The following ARHGAP15 variants were observed in gnomAD, a reference collection of about 807,000 sequenced individuals.
The protein encoded by ARHGAP15 is rho GTPase-activating protein 15.
A neutral mutation model predicts 63.7 loss-of-function variants in ARHGAP15; 51 were observed. The observed-to-expected ratio is 0.80, with a 90% confidence interval of 0.64 to 1.01. The LOEUF is 1.01. ARHGAP15 is among the 50% of genes least tolerant of loss of function. The pLI is 0.00. For missense variants in ARHGAP15, 560 were observed against 564.6 expected (o/e 0.99, Z 0.08); for synonymous variants, 191 against 193.8 (o/e 0.99, Z 0.12).
chr2:143,331,723 C>A (rs1188685258), intron 6 of ARHGAP15, among the ~76,000 whole-genome samples: 1 of 152,096 alleles, frequency 6.6e-6, no homozygotes, highest in South Asian at 2.1e-4. Context: ...CATGTAGCTA[C>A]TTTAGAAAGG....
intron 13 of ARHGAP15, among the ~76,000 whole-genome samples, chr2:143,747,021 A>G (rs1191883855): frequency 1.3e-5 from 2 of 151,980 alleles, no homozygotes; most frequent in Non-Finnish European, 1.5e-5. Context: ...TTGTTAATAG[A>G]TTTTTCAAAC....
chr2:143,403,131 A>G (rs1239995208), intron 6 of ARHGAP15, among the ~76,000 whole-genome samples: 2 of 151,930 alleles, frequency 1.3e-5, no homozygotes, highest in African/African-American at 4.8e-5. Flanking sequence ...GAAATATTAT[A>G]TATTCTAAAG....
rs138143506 is a variant in ARHGAP15 at position 143,519,288 on chromosome 2, G to A, written c.849G>A (p.Leu283=). 4 of 1,612,870 alleles carry A rather than the reference G, an allele frequency of 2.5e-6. No individual in the cohort carries two copies. The highest frequency in any genetic ancestry group is 3.3e-5 in the Admixed American group (2 of 59,994). The change falls in exon 10 of 14, where the codon CTG becomes CTA. Residue 283 remains leucine (L), a synonymous_variant. Transcript: ENST00000295095. ...LIKDQIFGSH[L]HKVCERENST... is the part of the protein sequence containing the mutation. ...CAGATCAAATTTTTGGCTCTCATCT[G>A]CACAAAGTGTGTGAACGTGAAAATT...
intron 6 of ARHGAP15, among the ~76,000 whole-genome samples, chr2:143,410,932 GATGGCTCACGCCTGT>G (rs1326542402): frequency 3.3e-5 from 5 of 151,960 alleles, no homozygotes; most frequent in Admixed American, 2.6e-4. Context: ...GGCCAGGCGT[GATGGCTCACGCCTGT>G]AATCTCAGCA....
chr2:143,597,769 C>T (rs890744517), intron 11 of ARHGAP15, among the ~76,000 whole-genome samples: 3 of 152,096 alleles, frequency 2.0e-5, no homozygotes, highest in Admixed American at 6.6e-5. Flanking sequence ...AGCTCAATAT[C>T]AACAGATTCT....
chr2:143,565,428 CACTTTGA>C (rs1359995328), intron 11 of ARHGAP15, among the ~76,000 whole-genome samples: 1 of 152,032 alleles, frequency 6.6e-6, no homozygotes, highest in African/African-American at 2.4e-5. Flanking sequence ...AAGTGCCTGC[CACTTTGA>C]ATGTATGAAA....
chr2:143,463,772 T>G (rs886985811), intron 8 of ARHGAP15, among the ~76,000 whole-genome samples: 1 of 152,186 alleles, frequency 6.6e-6, no homozygotes, highest in Non-Finnish European at 1.5e-5. Context: ...TATTAGAGAC[T>G]TTAATTTCCT....
intron 12 of ARHGAP15, among the ~76,000 whole-genome samples, chr2:143,687,208 C>A (rs1683392219): frequency 6.6e-6 from 1 of 150,948 alleles, no homozygotes; most frequent in Non-Finnish European, 1.5e-5. Flanking sequence ...CTTAAAGGCT[C>A]AGGTATGAGA....
chr2:143,289,060 G>A (rs1682256816), intron 6 of ARHGAP15, among the ~76,000 whole-genome samples: 1 of 152,082 alleles, frequency 6.6e-6, no homozygotes, highest in Admixed American at 6.6e-5. Context: ...GACAGTGAGA[G>A]AAATCCATAG....
intron 12 of ARHGAP15, among the ~76,000 whole-genome samples, chr2:143,624,921 A>C (rs977639916): frequency 1.3e-5 from 2 of 151,938 alleles, no homozygotes; most frequent in Non-Finnish European, 2.9e-5. Context: ...TAATTCATAA[A>C]ACACACACAC....
chr2:143,473,444 A>C (rs1024946499), intron 8 of ARHGAP15, among the ~76,000 whole-genome samples: 14 of 152,320 alleles, frequency 9.2e-5, no homozygotes, highest in Admixed American at 7.8e-4. Flanking sequence ...CTGCTTGACA[A>C]AAATGGGGAG....
At chr2:143,449,083 A>G (rs1690278008) in intron 8 of ARHGAP15, among the ~76,000 whole-genome samples, 1 of 152,066 alleles carries the variant, frequency 6.6e-6, no homozygotes, top group Non-Finnish European at 1.5e-5. Flanking sequence ...CTTCCAACCC[A>G]TGATTACGGA....
chr2:143,346,994 T>C (rs980336100), intron 6 of ARHGAP15, among the ~76,000 whole-genome samples: 1 of 152,092 alleles, frequency 6.6e-6, no homozygotes, highest in East Asian at 1.9e-4. Flanking sequence ...TTGGTCTGTT[T>C]ATCATGGAAA....
intron 13 of ARHGAP15, among the ~76,000 whole-genome samples, chr2:143,762,961 T>C (rs1422411713): frequency 6.6e-6 from 1 of 152,166 alleles, no homozygotes; most frequent in Non-Finnish European, 1.5e-5. Context: ...CTCAAGCTAC[T>C]TGAAGTACAC....
chr2:143,488,156 C>G (rs1328545907), intron 9 of ARHGAP15, among the ~76,000 whole-genome samples: 1 of 152,156 alleles, frequency 6.6e-6, no homozygotes, highest in Non-Finnish European at 1.5e-5. Flanking sequence ...TGACATTGAT[C>G]AAGTTATGAT....
chr2:143,582,361 G>A (rs1030575036), intron 11 of ARHGAP15, among the ~76,000 whole-genome samples: 4 of 152,096 alleles, frequency 2.6e-5, no homozygotes, highest in Admixed American at 6.6e-5. Context: ...ATCAAAAATC[G>A]AGGGCACTAC....
At chr2:143,278,423 C>T (rs1681674507) in intron 6 of ARHGAP15, among the ~76,000 whole-genome samples, 1 of 152,062 alleles carries the variant, frequency 6.6e-6, no homozygotes, top group African/African-American at 2.4e-5. Flanking sequence ...CCATAGTTGA[C>T]GAGGAAGGAG....
At chr2:143,516,368 ACTCT>A (rs933098723) in intron 9 of ARHGAP15, among the ~76,000 whole-genome samples, 11 of 151,466 alleles carry the variant, frequency 7.3e-5, no homozygotes, top group South Asian at 4.2e-4. Context: ...CCAAACACAA[ACTCT>A]CTCTCTCCCA....
At chr2:143,191,794 C>T (rs1691692782) in intron 2 of ARHGAP15, among the ~76,000 whole-genome samples, 2 of 152,072 alleles carry the variant, frequency 1.3e-5, no homozygotes, top group African/African-American at 4.8e-5. Context: ...TCAACTATAC[C>T]GATTTACCTC....
Sources: allele counts gnomAD v4.1 joint callset (sites outside exome capture counted in the v4.1 genomes callset), GRCh38; gene constraint gnomAD v4.1.1; transcripts MANE v1.5; gene names NCBI Gene and HGNC (gene_info 2026-07-23, HGNC 2026-07-21).